SNX29: variants seen among roughly 807,000 people sequenced by gnomAD.
SNX29 encodes the protein sorting nexin 29, also known as sorting nexin-29.
In SNX29, 78 loss-of-function variants were observed where a neutral mutation model predicts 102.1. The ratio of observed to expected loss-of-function variants is 0.76; its 90% CI spans 0.64 to 0.92. SNX29 has a LOEUF of 0.92. Among genes scored for constraint, SNX29 ranks in the 40% least tolerant of loss-of-function variants. SNX29 has a pLI of 0.00. For synonymous variants in SNX29, 580 were observed against 414.5 expected (o/e 1.40, Z -4.85); for missense variants, 1,280 against 1,061.7 (o/e 1.21, Z -2.86).
chr16:12,030,238 T>C (rs2057301912), intron 4 of SNX29, among the ~76,000 whole-genome samples: 1 of 152,240 alleles, frequency 6.6e-6, no homozygotes, highest in African/African-American at 2.4e-5. Flanking sequence ...TTTGGATTCC[T>C]TGGTGAAGTT....
At chr16:12,532,858 C>T (rs534139164) in intron 20 of SNX29, among the ~76,000 whole-genome samples, 2 of 152,186 alleles carry the variant, frequency 1.3e-5, no homozygotes, top group Admixed American at 6.5e-5. Flanking sequence ...CCCAGAGAAG[C>T]CTTCCCCTGC....
At chr16:12,362,165 C>A (rs981742976) in intron 16 of SNX29, among the ~76,000 whole-genome samples, 1 of 152,210 alleles carries the variant, frequency 6.6e-6, no homozygotes, top group Non-Finnish European at 1.5e-5. Context: ...ACTGACAAAA[C>A]CGTAATGGAT....
intron 18 of SNX29, among the ~76,000 whole-genome samples, chr16:12,406,258 C>T (rs1471136269): frequency 1.3e-5 from 2 of 152,184 alleles, no homozygotes; most frequent in Non-Finnish European, 2.9e-5. Flanking sequence ...GGCTTCCTGG[C>T]AGCCATTGTG....
chr16:12,260,452 G>A (rs1203311644), intron 14 of SNX29, among the ~76,000 whole-genome samples: 2 of 152,122 alleles, frequency 1.3e-5, no homozygotes, highest in East Asian at 1.9e-4. Flanking sequence ...CTTCCCATGC[G>A]GCTTGAGGCG....
intron 13 of SNX29, among the ~76,000 whole-genome samples, chr16:12,163,089 C>T (rs929257927): frequency 6.6e-6 from 1 of 152,162 alleles, no homozygotes; most frequent in African/African-American, 2.4e-5. Flanking sequence ...ACCATGTTGG[C>T]CAGGCTGGTC....
chr16:12,054,506 GAAC>G (rs2050439261), intron 8 of SNX29, among the ~76,000 whole-genome samples: 1 of 152,256 alleles, frequency 6.6e-6, no homozygotes, highest in African/African-American at 2.4e-5. Flanking sequence ...GGCCTGAACA[GAAC>G]AACAAGTGAA....
intron 20 of SNX29, among the ~76,000 whole-genome samples, chr16:12,527,635 A>C (rs2076821953): frequency 6.6e-6 from 1 of 152,110 alleles, no homozygotes; most frequent in African/African-American, 2.4e-5. Flanking sequence ...AGTGAGGCTC[A>C]AAGGGGCGAA....
At chr16:12,302,002 A>G (rs536349229) in intron 15 of SNX29, among the ~76,000 whole-genome samples, 114 of 152,196 alleles carry the variant, frequency 7.5e-4, no homozygotes, top group Non-Finnish European at 1.4e-3. Flanking sequence ...TATACAAAAG[A>G]AAGATAATTA....
At chr16:12,436,746 C>G (rs978581389) in intron 18 of SNX29, among the ~76,000 whole-genome samples, 3 of 152,216 alleles carry the variant, frequency 2.0e-5, no homozygotes, top group Non-Finnish European at 2.9e-5. Flanking sequence ...CTCCGCCTCC[C>G]GGGTTCAAGC....
chr16:12,509,180 C>G (rs2151913114), intron 19 of SNX29, among the ~76,000 whole-genome samples: 1 of 152,322 alleles, frequency 6.6e-6, no homozygotes, highest in African/African-American at 2.4e-5. Flanking sequence ...CCATTAAAGC[C>G]TCTGAGAATC....
intron 20 of SNX29, among the ~76,000 whole-genome samples, chr16:12,561,620 C>G (rs572982674): frequency 6.6e-6 from 1 of 152,172 alleles, no homozygotes; most frequent in South Asian, 2.1e-4. Context: ...GCAGTGTACC[C>G]CAAGAGGCTT....
intron 13 of SNX29, among the ~76,000 whole-genome samples, chr16:12,173,315 A>T (rs1043063288): frequency 2.0e-5 from 3 of 152,178 alleles, no homozygotes; most frequent in African/African-American, 7.2e-5. Context: ...GCTTTTCCCT[A>T]CTGGCCACTT....
chr16:12,066,845 G>T lies in SNX29; in HGVS notation c.1244-2212G>T, dbSNP rs1031399368. ...GCCAGGATCTGTTATGGGGTGAGTTGATGCCACCCTCACTGAGCATTCTCA... is the reference window on the plus strand; with the variant it reads ...GCCAGGATCTGTTATGGGGTGAGTTTATGCCACCCTCACTGAGCATTCTCA... On this transcript the variant is annotated intron_variant, in intron 9 of 20. Transcript: ENST00000566228. Among the ~76,000 whole-genome samples the T allele has an allele frequency of 2.6e-5, 4 of 151,970 alleles. No individual in the cohort carries two copies. In the East Asian group the frequency reaches 7.7e-4, roughly 29 times the overall value.
At chr16:12,539,812 TTTTCC>T (rs375783237) in intron 20 of SNX29, among the ~76,000 whole-genome samples, 109 of 152,344 alleles carry the variant, frequency 7.2e-4, no homozygotes, top group African/African-American at 2.3e-3. Flanking sequence ...CATGTGGATG[TTTTCC>T]TTTAACACAT....
chr16:12,461,793 C>G (rs1184863156), intron 18 of SNX29, among the ~76,000 whole-genome samples: 1 of 150,188 alleles, frequency 6.7e-6, no homozygotes, highest in Non-Finnish European at 1.5e-5. Context: ...CCTGTCTCTA[C>G]TAAAAATACA....
At position 11,999,325 on chromosome 16, in the gene SNX29, T is replaced by G; in HGVS notation, c.36T>G (p.Phe12Leu). ...SGSQNNDKRQ[F>L]LLERLLDAVK... ...CACAGAACAATGACAAAAGACAATTTCTGCTGGAGCGACTGCTGGATGCAG... is the reference window on the plus strand; with the variant it reads ...CACAGAACAATGACAAAAGACAATTGCTGCTGGAGCGACTGCTGGATGCAG... The change falls in exon 2 of 21, where the codon TTT becomes TTG. Residue 12 changes from phenylalanine (F) to leucine (L), a missense_variant. Transcript: ENST00000566228. 1 of 1,614,160 alleles carries G rather than the reference T, an allele frequency of 6.2e-7. No homozygotes were observed. The highest frequency in any genetic ancestry group is 8.5e-7 in the Non-Finnish European group (1 of 1,179,992).
At chr16:12,259,844 G>C (rs1321982254) in intron 14 of SNX29, among the ~76,000 whole-genome samples, 1 of 151,946 alleles carries the variant, frequency 6.6e-6, no homozygotes, top group African/African-American at 2.4e-5. Flanking sequence ...CGTGGTTCAG[G>C]GTCCCCCTTT....
chr16:12,461,925 C>T (rs555225625), intron 18 of SNX29, among the ~76,000 whole-genome samples: 119 of 120,736 alleles, frequency 9.9e-4, no homozygotes, highest in Admixed American at 4.5e-3. Flanking sequence ...CACTGCACTC[C>T]AACCTGGGTG....
chr16:12,385,866 T>C (rs150107382), intron 16 of SNX29, among the ~76,000 whole-genome samples: 77 of 152,332 alleles, frequency 5.1e-4, no homozygotes, highest in African/African-American at 1.7e-3. Flanking sequence ...CAACATTCTC[T>C]GGGACCAACG....
Sources: gnomAD v4.1 joint callset for allele counts (sites outside exome capture counted in the v4.1 genomes callset) on GRCh38, gnomAD v4.1.1 for gene constraint, MANE v1.5 for transcripts, NCBI Gene and HGNC (gene_info 2026-07-23, HGNC 2026-07-21) for gene names.